The following SNX31 variants were observed in gnomAD, a reference collection of about 807,000 sequenced individuals.
The protein encoded by SNX31 is sorting nexin 31, also known as sorting nexin-31.
SNX31 carries 58 observed loss-of-function variants against 65.4 expected under a neutral mutation model. The ratio of observed to expected loss-of-function variants is 0.89; its 90% CI spans 0.72 to 1.10. SNX31 has a LOEUF of 1.10. Ranked by LOEUF, SNX31 falls within the 50% of genes least tolerant of loss-of-function variation. The pLI, the probability that SNX31 is intolerant of heterozygous loss-of-function variation, is 0.00. For synonymous variants in SNX31, 181 were observed against 190.1 expected (o/e 0.95, Z 0.39); for missense variants, 523 against 529.7 (o/e 0.99, Z 0.12).
chr8:100,650,768 A>T (rs1365459862), upstream of SNX31, among the ~76,000 whole-genome samples: 6 of 152,034 alleles, frequency 3.9e-5, no homozygotes, highest in Non-Finnish European at 2.9e-5. Context: ...TAGTTAAGAG[A>T]ATGGCAACAG....
At chr8:100,587,897 G>A (rs1420594759) in intron 11 of SNX31, among the ~76,000 whole-genome samples, 1 of 152,136 alleles carries the variant, frequency 6.6e-6, no homozygotes. Context: ...CATTAGGCAA[G>A]TTTGTCATTG....
chr8:100,582,388 T>TA (rs1012560237), intron 12 of SNX31: 9 of 152,202 alleles, frequency 5.9e-5, no homozygotes, highest in African/African-American at 2.2e-4. Flanking sequence ...AATCTCAGCC[T>TA]AAGAGGGTCC....
chr8:100,621,232 G>A (rs1817667041), intron 4 of SNX31, among the ~76,000 whole-genome samples: 1 of 152,202 alleles, frequency 6.6e-6, no homozygotes, highest in African/African-American at 2.4e-5. Context: ...CCATGTGACT[G>A]TAGGTTCTAA....
intron 4 of SNX31, among the ~76,000 whole-genome samples, chr8:100,619,455 G>A (rs1011434310): frequency 1.3e-5 from 2 of 152,210 alleles, no homozygotes; most frequent in Non-Finnish European, 1.5e-5. Flanking sequence ...GCTAGAAGCA[G>A]GAACAAATCT....
chr8:100,645,485 A>G (rs916848431), intron 2 of SNX31, among the ~76,000 whole-genome samples: 4 of 152,166 alleles, frequency 2.6e-5, no homozygotes, highest in East Asian at 1.9e-4. Context: ...ATATGTATCA[A>G]GTGGTGCATG....
rs1176438580 is a variant in SNX31 at position 100,622,531 on chromosome 8, A to G, written c.322-4801T>C. On this transcript the variant is annotated intron_variant, in intron 4 of 13. Coordinates refer to ENST00000311812, the MANE Select transcript of SNX31 (RefSeq NM_152628.4). This position sits in a 1 kb window ranked among gnomAD's most constrained non-coding sequence, Gnocchi z 5.0. ...CTGGGCGTGGTGGCACATGCCTGTAATCTCAGCTACTTGGGAGGCTGAGGC... is the reference window on the plus strand; with the variant it reads ...CTGGGCGTGGTGGCACATGCCTGTAGTCTCAGCTACTTGGGAGGCTGAGGC... 1.3e-5 allele frequency among the ~76,000 whole-genome samples: 2 copies of G among 152,080 alleles called. No individual in the cohort carries two copies. Among genetic ancestry groups the G allele is most frequent in the Non-Finnish European group, 2.9e-5 (2 of 68,012 alleles).
intron 11 of SNX31, among the ~76,000 whole-genome samples, chr8:100,585,530 G>A (rs993711659): frequency 6.6e-6 from 1 of 152,132 alleles, no homozygotes. Flanking sequence ...TCTTCCAGGG[G>A]TGTAGAGCAT....
chr8:100,621,593 A>G (rs1164433176), intron 4 of SNX31, among the ~76,000 whole-genome samples: 4 of 152,172 alleles, frequency 2.6e-5, no homozygotes, highest in Non-Finnish European at 5.9e-5. Context: ...CCTCTGCCCT[A>G]GACTCCCCAC....
intron 2 of SNX31, among the ~76,000 whole-genome samples, chr8:100,641,565 A>AAAAATATATGTATATAT: frequency 3.1e-5 from 1 of 32,108 alleles, no homozygotes; most frequent in Non-Finnish European, 5.3e-5. Context: ...AAAAAAAAAA[A>AAAAATATATGTATATAT]ATATATATAT....
intron 2 of SNX31, among the ~76,000 whole-genome samples, chr8:100,636,734 T>C (rs949038985): frequency 1.3e-5 from 2 of 152,170 alleles, no homozygotes; most frequent in African/African-American, 2.4e-5. Flanking sequence ...CTTTCTTTCT[T>C]TTTTGAGACG....
chr8:100,661,668 A>G (rs1310828738), intron 1 of SNX31, among the ~76,000 whole-genome samples: 3 of 150,876 alleles, frequency 2.0e-5, no homozygotes, highest in African/African-American at 4.9e-5. Context: ...AGCTGGGACT[A>G]TAACATGCAC....
At chr8:100,642,868 A>C (rs1260936962) in intron 2 of SNX31, among the ~76,000 whole-genome samples, 1 of 152,070 alleles carries the variant, frequency 6.6e-6, no homozygotes, top group Non-Finnish European at 1.5e-5. Context: ...GGTTTTTTTT[A>C]AGACTGTGAT....
rs1818252367 is a variant in SNX31 at position 100,629,088 on chromosome 8, A to C, written c.321+1239T>G. ...TGTTCACACAATGACAAAATCGCCT[A>C]ATGATGCATTTATCAGAACGAATCC... On this transcript the variant is annotated intron_variant, in intron 4 of 13. Coordinates refer to ENST00000311812, the MANE Select transcript of SNX31 (RefSeq NM_152628.4). This position sits in a 1 kb window ranked among gnomAD's most constrained non-coding sequence, Gnocchi z 5.1. Among the ~76,000 whole-genome samples the C allele has an allele frequency of 1.3e-5, 2 of 152,180 alleles. No homozygotes were observed. Among genetic ancestry groups the C allele is most frequent in the Non-Finnish European group, 2.9e-5 (2 of 68,028 alleles).
intron 11 of SNX31, among the ~76,000 whole-genome samples, chr8:100,585,387 AG>A (rs1326677800): frequency 6.6e-6 from 1 of 151,916 alleles, no homozygotes; most frequent in Non-Finnish European, 1.5e-5. Context: ...GTTGGAGGGG[AG>A]GATGGAGAGG....
Position 100,612,148 on chromosome 8 carries a change from A to G in SNX31, c.524-61T>C. On this transcript the variant is annotated intron_variant, in intron 6 of 13. Coordinates refer to ENST00000311812, the MANE Select transcript of SNX31 (RefSeq NM_152628.4). The surrounding 1 kb of genome is among the most constrained non-coding windows in gnomAD (Gnocchi z 4.3). ...ACAGCACAGACAGCTTATATATAGC[A>G]GCTTTCAAATGAGAAAATAAAACCT... 2.9e-6 allele frequency: 3 copies of G among 1,023,720 alleles called. No individual in the cohort carries two copies. The South Asian group carries it at 4.1e-5, about 14-fold the overall frequency. The allele number at this position is 1,023,720 out of a possible 1,614,324, so 63.4% of individuals were successfully genotyped here.
intron 10 of SNX31, among the ~76,000 whole-genome samples, chr8:100,591,982 A>G (rs1348438506): frequency 1.3e-5 from 2 of 152,248 alleles, no homozygotes; most frequent in Non-Finnish European, 2.9e-5. Flanking sequence ...ACTTGAAATG[A>G]ATAGGAGGAG....
chr8:100,595,612 G>T (rs4734466), intron 10 of SNX31, among the ~76,000 whole-genome samples: 1 of 152,054 alleles, frequency 6.6e-6, no homozygotes, highest in Admixed American at 6.6e-5. Context: ...AAAGAGAAAA[G>T]TCAGAGATAA....
intron 1 of SNX31, among the ~76,000 whole-genome samples, chr8:100,655,974 G>A (rs1820047577): frequency 1.3e-5 from 2 of 152,222 alleles, no homozygotes; most frequent in Admixed American, 1.3e-4. Context: ...CATGAGTCTT[G>A]TAAAGTGCTC....
intron 9 of SNX31, among the ~76,000 whole-genome samples, chr8:100,598,253 G>A (rs1046617994): frequency 6.6e-6 from 1 of 152,168 alleles, no homozygotes; most frequent in Non-Finnish European, 1.5e-5. Flanking sequence ...GCCTTCAGTT[G>A]GGTCAGTGAG....
Sources: allele counts gnomAD v4.1 joint callset (sites outside exome capture counted in the v4.1 genomes callset), GRCh38; gene constraint gnomAD v4.1.1; non-coding constraint Gnocchi (gnomAD v3.1); transcripts MANE v1.5; gene names NCBI Gene and HGNC (gene_info 2026-07-23, HGNC 2026-07-21).